PRTG: variants seen among roughly 807,000 people sequenced by gnomAD.
PRTG encodes the protein protogenin.
PRTG carries 67 observed loss-of-function variants against 122.5 expected under a neutral mutation model. The observed-to-expected ratio is 0.55, with a 90% CI of 0.45 to 0.67. The LOEUF is 0.67. PRTG is among the 30% of genes least tolerant of loss of function. The probability of loss-of-function intolerance (pLI) is 0.00; values close to 1 mark genes in which losing one functional copy is unlikely to be tolerated. For missense variants in PRTG, 1,435 were observed against 1,415.4 expected (o/e 1.01, Z -0.22); for synonymous variants, 554 against 501.1 (o/e 1.11, Z -1.41).
chr15:55,738,025 TACACACAC>T (rs869067847), intron 2 of PRTG, among the ~76,000 whole-genome samples: 1 of 95,688 alleles, frequency 1.0e-5, no homozygotes, highest in Non-Finnish European at 2.0e-5. Flanking sequence ...TATATATATA[TACACACAC>T]ACACACACAC....
chr15:55,639,112 C>G (rs1287350559), intron 13 of PRTG, among the ~76,000 whole-genome samples: 1 of 152,142 alleles, frequency 6.6e-6, no homozygotes, highest in Non-Finnish European at 1.5e-5. Flanking sequence ...GCCAGGACTA[C>G]AGGCATGCAC....
chr15:55,653,987 A>T (rs902893505), intron 11 of PRTG, among the ~76,000 whole-genome samples: 2 of 152,232 alleles, frequency 1.3e-5, no homozygotes, highest in Non-Finnish European at 2.9e-5. Context: ...ATGTCTAGAT[A>T]AGAAATATTT....
chr15:55,699,368 C>T (rs2059649612), intron 2 of PRTG, among the ~76,000 whole-genome samples: 1 of 152,090 alleles, frequency 6.6e-6, no homozygotes, highest in Non-Finnish European at 1.5e-5. Context: ...TAGTATCTGT[C>T]TCCTAAAGCC....
intron 2 of PRTG, among the ~76,000 whole-genome samples, chr15:55,697,285 G>C (rs1224254330): frequency 6.6e-6 from 1 of 152,032 alleles, no homozygotes; most frequent in East Asian, 1.9e-4. Flanking sequence ...TAAATTCCTT[G>C]AGTTCAGAGA....
chr15:55,728,609 A>G (rs2031122354), intron 2 of PRTG, among the ~76,000 whole-genome samples: 1 of 152,230 alleles, frequency 6.6e-6, no homozygotes, highest in South Asian at 2.1e-4. Flanking sequence ...TCTCAACATG[A>G]TAAAGGGCAT....
chr15:55,669,887 G>C (rs2059458727), intron 11 of PRTG, among the ~76,000 whole-genome samples: 3 of 152,150 alleles, frequency 2.0e-5, no homozygotes, highest in Admixed American at 6.5e-5. Context: ...TATTTTAATA[G>C]ACATAGTATA....
At chr15:55,738,616 G>T in intron 2 of PRTG, 1 of 673,846 alleles carries the variant, frequency 1.5e-6, no homozygotes, top group Admixed American at 2.2e-5. Context: ...AAAACTGAAT[G>T]AACAGAATAT....
At chr15:55,698,473 T>C (rs2059643674) in intron 2 of PRTG, among the ~76,000 whole-genome samples, 1 of 152,090 alleles carries the variant, frequency 6.6e-6, no homozygotes, top group South Asian at 2.1e-4. Flanking sequence ...GTGTTTGTGA[T>C]AGAGTCAGGG....
At chr15:55,701,252 C>T (rs2059661692) in intron 2 of PRTG, among the ~76,000 whole-genome samples, 1 of 152,064 alleles carries the variant, frequency 6.6e-6, no homozygotes, top group Non-Finnish European at 1.5e-5. Context: ...ACTCTGCATT[C>T]TTGGCCGGGC....
chr15:55,629,104 AT>A, intron 15 of PRTG, 100 bp from the exon 16 acceptor site: 1 of 697,296 alleles, frequency 1.4e-6, no homozygotes, highest in Non-Finnish European at 2.2e-6. Context: ...TATTTTTCTG[AT>A]TATAAAGATG....
At chr15:55,656,413 T>C in intron 11 of PRTG, 1 of 436,520 alleles carries the variant, frequency 2.3e-6, no homozygotes, top group Non-Finnish European at 4.5e-6. Flanking sequence ...TTTAGGGTAC[T>C]TTATAAAGGA....
At chr15:55,716,383 T>C (rs915773506) in intron 2 of PRTG, among the ~76,000 whole-genome samples, 1 of 152,234 alleles carries the variant, frequency 6.6e-6, no homozygotes, top group Admixed American at 6.5e-5. Flanking sequence ...TGAAGAATGA[T>C]GGGAGTTCCT....
chr15:55,671,535 C>T (rs951200320), intron 11 of PRTG, among the ~76,000 whole-genome samples: 4 of 152,210 alleles, frequency 2.6e-5, no homozygotes, highest in Admixed American at 1.3e-4. Context: ...CGCACTGTCG[C>T]CCAGGCTGGA....
chr15:55,710,163 T>C (rs2030322416), intron 2 of PRTG, among the ~76,000 whole-genome samples: 1 of 152,194 alleles, frequency 6.6e-6, no homozygotes, highest in South Asian at 2.1e-4. Context: ...GCAATATTTA[T>C]GGCAACTATT....
At chr15:55,680,017 G>A in intron 6 of PRTG, 37 bp downstream of exon 6, 1 of 1,567,218 alleles carries the variant, frequency 6.4e-7, no homozygotes, top group Non-Finnish European at 8.7e-7. Context: ...ATGTTAAAAT[G>A]TAAGATTCCC....
chr15:55,725,049 C>G (rs1303754569), intron 2 of PRTG, among the ~76,000 whole-genome samples: 1 of 152,152 alleles, frequency 6.6e-6, no homozygotes, highest in East Asian at 1.9e-4. Flanking sequence ...TTGGTTTGTA[C>G]CTCCACTTTT....
intron 11 of PRTG, among the ~76,000 whole-genome samples, chr15:55,653,167 A>ATAGACAG (rs1345755647): frequency 1.3e-5 from 2 of 152,232 alleles, no homozygotes; most frequent in Admixed American, 6.5e-5. Context: ...TGAGTATAAA[A>ATAGACAG]TAGACAGAAC....
chr15:55,668,473 A>G (rs2059450423), intron 11 of PRTG, among the ~76,000 whole-genome samples: 1 of 152,218 alleles, frequency 6.6e-6, no homozygotes, highest in Non-Finnish European at 1.5e-5. Context: ...TATGTTACTA[A>G]TTTTGCTTTA....
rs937355493 is a variant in PRTG at position 55,619,906 on chromosome 15, C to T, written c.*106G>A. The T allele has an allele frequency of 3.8e-5, 58 of 1,525,108 alleles. No individual in the cohort carries two copies. Among genetic ancestry groups the T allele is most frequent in the African/African-American group, 2.5e-4 (18 of 72,194 alleles). 94.5% of individuals were successfully genotyped at this position (1,525,108 alleles called of 1,614,324 possible). A position where few individuals can be genotyped will look rare whatever the true frequency, so the allele number is the denominator to read the frequency against. On this transcript the variant is annotated 3_prime_UTR_variant, in exon 20 of 20. Coordinates refer to ENST00000389286, the MANE Select transcript of PRTG (RefSeq NM_173814.6). Reference sequence around the variant, plus strand: ...TATCAAAGCATAGCATGGCAGATGGCGGCTGCAGAACTAAGGAGGAAGTCT... The same window carrying T: ...TATCAAAGCATAGCATGGCAGATGGTGGCTGCAGAACTAAGGAGGAAGTCT...
Sources: allele counts gnomAD v4.1 joint callset (sites outside exome capture counted in the v4.1 genomes callset), GRCh38; gene constraint gnomAD v4.1.1; transcripts MANE v1.5; gene names NCBI Gene and HGNC (gene_info 2026-07-23, HGNC 2026-07-21).